Variants in NFASC observed in about 807,000 individuals in gnomAD.
The protein encoded by NFASC is neurofascin homolog.
NFASC carries 43 observed loss-of-function variants against 147.5 expected under a neutral mutation model. That is an observed-to-expected ratio of 0.29 (90% CI 0.23 to 0.38). The LOEUF is 0.38. NFASC is among the 10% of genes least tolerant of loss of function. The pLI is 1.00. For missense variants in NFASC, 1,320 were observed against 1,689.0 expected, an observed-to-expected ratio of 0.78 and a Z score of 3.83; for synonymous variants, 622 against 665.5, an observed-to-expected ratio of 0.93 and a Z score of 1.01.
Position 205,012,722 on chromosome 1 carries a change from T to A in NFASC, c.3422-75T>A, listed in dbSNP as rs1172345711. ...CAGGGCGGTGCCTTCTGGCCCTGCATTCAGTGGAGCCCTAGAGAGCAGGGG... is the reference window on the plus strand; with the variant it reads ...CAGGGCGGTGCCTTCTGGCCCTGCAATCAGTGGAGCCCTAGAGAGCAGGGG... On this transcript the variant is annotated intron_variant, in intron 28 of 29. Transcript: ENST00000339876. 2.7e-6 allele frequency: 3 copies of A among 1,120,338 alleles called. No homozygotes were observed. The Admixed American group carries it at 5.1e-5, about 19-fold the overall frequency. 69.4% of individuals were successfully genotyped at this position (1,120,338 alleles called of 1,614,324 possible).
At chr1:204,902,235 C>T (rs535545090) in intron 1 of NFASC, among the ~76,000 whole-genome samples, 62 of 152,176 alleles carry the variant, frequency 4.1e-4, no homozygotes, top group African/African-American at 1.4e-3. Context: ...GTCAAGACTG[C>T]AGTGAGCTGT....
chr1:204,878,669 G>A (rs913428588), intron 1 of NFASC, among the ~76,000 whole-genome samples: 4 of 152,176 alleles, frequency 2.6e-5, no homozygotes, highest in African/African-American at 9.7e-5. Flanking sequence ...ATCAACACTT[G>A]GCCAGTCTTG....
rs61743235 is a variant in NFASC at position 204,973,400 on chromosome 1, C to T, written c.1260C>T (p.Asn420=). 3.2e-4 allele frequency: 512 copies of T among 1,614,254 alleles called. 4 individuals are homozygous for T. The African/African-American group carries it at 4.5e-3, about 14-fold the overall frequency. Residue 420 remains asparagine, a synonymous_variant, in exon 12 of 30, where the codon AAC becomes AAT. Coordinates refer to ENST00000339876, the MANE Select transcript of NFASC (RefSeq NM_001005388.3). The part of the protein sequence containing the change: ...TSNEHGYLLA[N]AFVSVLDVPP... Reference sequence around the variant, plus strand: ...ACGAGCATGGCTACCTGCTGGCCAACGCCTTTGTCAGTGTGCTGGGTGAGT... The same window carrying T: ...ACGAGCATGGCTACCTGCTGGCCAATGCCTTTGTCAGTGTGCTGGGTGAGT...
At chr1:204,876,033 G>T (rs114336652) in intron 1 of NFASC, among the ~76,000 whole-genome samples, 3,698 of 152,242 alleles carry the variant, frequency 0.024, 66 homozygotes, top group Non-Finnish European at 0.036. Flanking sequence ...TCCTTCCTAA[G>T]CCTTTAAGAT....
chr1:204,976,053 G>A (rs576046541), intron 15 of NFASC, among the ~76,000 whole-genome samples: 3 of 152,230 alleles, frequency 2.0e-5, no homozygotes, highest in Admixed American at 6.5e-5. Context: ...CTTCCACCCC[G>A]AGGGAGCAAA....
At chr1:204,880,323 A>C (rs187322616) in intron 1 of NFASC, among the ~76,000 whole-genome samples, 2 of 151,630 alleles carry the variant, frequency 1.3e-5, no homozygotes, top group Non-Finnish European at 3.0e-5. Context: ...TTTTAATGTA[A>C]TTTTTTTTCT....
chr1:205,011,155 G>A (rs1295283149), intron 28 of NFASC, among the ~76,000 whole-genome samples: 1 of 151,808 alleles, frequency 6.6e-6, no homozygotes, highest in East Asian at 1.9e-4. Flanking sequence ...CACAACCCAT[G>A]CTCCCCAAAT....
chr1:204,992,255 G>T (rs2095752964), intron 24 of NFASC, among the ~76,000 whole-genome samples: 1 of 152,198 alleles, frequency 6.6e-6, no homozygotes, highest in Non-Finnish European at 1.5e-5. Flanking sequence ...CAAGTGCTCA[G>T]CAGAGCCTCC....
chr1:204,858,011 C>T (rs575738708), intron 1 of NFASC, among the ~76,000 whole-genome samples: 5 of 151,304 alleles, frequency 3.3e-5, no homozygotes, highest in East Asian at 2.0e-4. Context: ...CCTCCACCTC[C>T]GGGGTTCAAG....
chr1:204,970,201 G>A (rs1573929655), intron 10 of NFASC, among the ~76,000 whole-genome samples: 2 of 151,868 alleles, frequency 1.3e-5, no homozygotes, highest in African/African-American at 4.8e-5. Flanking sequence ...CCAACTCAGT[G>A]CCCACTTTAC....
At chr1:204,925,131 C>G (rs993584513) in intron 2 of NFASC, among the ~76,000 whole-genome samples, 4 of 152,184 alleles carry the variant, frequency 2.6e-5, no homozygotes, top group Non-Finnish European at 4.4e-5. Flanking sequence ...GCCTCAGCCT[C>G]CCAAAGTGCT....
chr1:204,992,714 T>C (rs1218654091), intron 24 of NFASC, among the ~76,000 whole-genome samples: 1 of 152,214 alleles, frequency 6.6e-6, no homozygotes, highest in East Asian at 1.9e-4. Flanking sequence ...GCGAATCAGC[T>C]GCAAGCTCAA....
intron 1 of NFASC, among the ~76,000 whole-genome samples, chr1:204,880,879 C>T (rs952413737): frequency 2.0e-5 from 3 of 152,186 alleles, no homozygotes; most frequent in African/African-American, 7.2e-5. Context: ...CCATTTGCAC[C>T]TTGCTGACTG....
chr1:204,950,655 G>A, intron 4 of NFASC, 81 bp downstream of exon 4: 1 of 1,335,870 alleles, frequency 7.5e-7, no homozygotes, highest in East Asian at 2.4e-5. Context: ...GGGGATTAGT[G>A]GCCTGCTGGG....
intron 27 of NFASC, among the ~76,000 whole-genome samples, chr1:205,006,973 G>C (rs943116415): frequency 3.0e-4 from 46 of 151,802 alleles, no homozygotes; most frequent in African/African-American, 8.5e-4. Flanking sequence ...GTGGAGGTCA[G>C]CTTGGGAGAG....
chr1:204,974,153 C>G (rs772178382), intron 12 of NFASC, 26 bp from the exon 13 acceptor site: 27 of 1,586,024 alleles, frequency 1.7e-5, no homozygotes, highest in Admixed American at 5.1e-5. Context: ...ACTTGGCACT[C>G]GAGATTGCTT....
intron 1 of NFASC, among the ~76,000 whole-genome samples, chr1:204,883,123 G>A (rs1196436010): frequency 6.6e-6 from 1 of 152,088 alleles, no homozygotes; most frequent in East Asian, 1.9e-4. Flanking sequence ...CAAGGAAGGG[G>A]TGAGCCTCAA....
chr1:204,849,456 G>A (rs2075471104), intron 1 of NFASC, among the ~76,000 whole-genome samples: 1 of 152,100 alleles, frequency 6.6e-6, no homozygotes, highest in Admixed American at 6.6e-5. Context: ...GGATTGCTGG[G>A]CCCTGCCCAC....
chr1:204,830,819 G>A (rs1672011995), intron 1 of NFASC, among the ~76,000 whole-genome samples: 1 of 152,222 alleles, frequency 6.6e-6, no homozygotes, highest in South Asian at 2.1e-4. Flanking sequence ...CGTTAAGAGC[G>A]AATTGCAGAC....
Sources: gnomAD v4.1 joint callset for allele counts (sites outside exome capture counted in the v4.1 genomes callset) on GRCh38, gnomAD v4.1.1 for gene constraint, MANE v1.5 for transcripts, NCBI Gene and HGNC (gene_info 2026-07-23, HGNC 2026-07-21) for gene names.